Variants in CYP3A43 observed in about 807,000 individuals in gnomAD.
The protein encoded by CYP3A43 is cytochrome P450 3A43.
A neutral mutation model predicts 58.0 loss-of-function variants in CYP3A43; 45 were observed. The observed-to-expected ratio is 0.78, with a 90% CI of 0.61 to 0.99. The LOEUF is 0.99. CYP3A43 is among the 50% of genes least tolerant of loss of function. The pLI is 0.00. For synonymous variants in CYP3A43, 191 were observed against 201.4 expected (o/e 0.95, Z 0.44); for missense variants, 593 against 591.9 (o/e 1.00, Z -0.02).
At chr7:99,852,840 CTT>C (rs1369435400) in intron 7 of CYP3A43, among the ~76,000 whole-genome samples, 1 of 152,122 alleles carries the variant, frequency 6.6e-6, no homozygotes, top group Non-Finnish European at 1.5e-5. Context: ...TCACAAAAGT[CTT>C]TTGGATTTTT....
At chr7:99,864,488 C>T (rs1217744884) in intron 12 of CYP3A43, among the ~76,000 whole-genome samples, 1 of 148,710 alleles carries the variant, frequency 6.7e-6, no homozygotes, top group African/African-American at 2.6e-5. Context: ...CCTTCCCCAT[C>T]GAGTACAGGG....
At chr7:99,832,730 A>G (rs1816899132) in intron 1 of CYP3A43, among the ~76,000 whole-genome samples, 3 of 152,084 alleles carry the variant, frequency 2.0e-5, no homozygotes, top group African/African-American at 7.2e-5. Context: ...ACAAGAAAAA[A>G]AAAGTGTGAC....
rs184376226 is a variant in CYP3A43 at position 99,853,549 on chromosome 7, G to A, written c.671-2042G>A. ...GCCAATTTTGATGATATTTTCTTTT[G>A]TGGTAAAATTTGAGCTTTTTTTTTG... On this transcript the variant is annotated intron_variant, in intron 7 of 12. Coordinates refer to ENST00000354829, the MANE Select transcript of CYP3A43 (RefSeq NM_057095.3). Among the ~76,000 whole-genome samples, 9 of 151,892 alleles carry A rather than the reference G, an allele frequency of 5.9e-5. No individual in the cohort carries two copies. In the East Asian group the frequency reaches 1.5e-3, roughly 26 times the overall value.
chr7:99,857,749 G>A (rs1012055252), intron 9 of CYP3A43, among the ~76,000 whole-genome samples: 2 of 152,086 alleles, frequency 1.3e-5, no homozygotes, highest in South Asian at 2.1e-4. Flanking sequence ...AGGCTGAGGT[G>A]GGAGAATCAC....
At chr7:99,845,559 T>G (rs1817512164) in intron 4 of CYP3A43, among the ~76,000 whole-genome samples, 1 of 152,028 alleles carries the variant, frequency 6.6e-6, no homozygotes, top group African/African-American at 2.4e-5. Context: ...TGGGCTCAAA[T>G]GATTCACCCA....
intron 10 of CYP3A43, 55 bp downstream of exon 10, chr7:99,860,045 G>C: frequency 6.5e-7 from 1 of 1,528,804 alleles, no homozygotes; most frequent in South Asian, 1.3e-5. Flanking sequence ...CAGCAAGAAT[G>C]CCTCCTCACC....
At chr7:99,844,562 A>G (rs1348087587) in intron 4 of CYP3A43, among the ~76,000 whole-genome samples, 1 of 152,226 alleles carries the variant, frequency 6.6e-6, no homozygotes, top group Non-Finnish European at 1.5e-5. Context: ...CAATATGTAC[A>G]GATCTGTTCT....
intron 1 of CYP3A43, among the ~76,000 whole-genome samples, chr7:99,828,943 CT>C (rs1816731502): frequency 6.6e-6 from 1 of 152,322 alleles, no homozygotes; most frequent in Admixed American, 6.5e-5. Flanking sequence ...TGGAGCACTG[CT>C]ACCTGAGAGA....
In CYP3A43 at chr7:99,836,592, C is replaced by A. The variant is rs45503495; in HGVS notation, c.165+46C>A. ...CTCTTTTGCTTCTTATCGATGCAAACCCAAGCTTAGTCCTATCAGTAAAAA... is the reference window on the plus strand; with the variant it reads ...CTCTTTTGCTTCTTATCGATGCAAAACCAAGCTTAGTCCTATCAGTAAAAA... On this transcript the variant is annotated intron_variant, in intron 2 of 12. Coordinates refer to ENST00000354829, the MANE Select transcript of CYP3A43 (RefSeq NM_057095.3). 3 of 1,407,504 alleles carry A rather than the reference C, an allele frequency of 2.1e-6. No individual in the cohort carries two copies. In the South Asian group the frequency reaches 4.2e-5, roughly 19 times the overall value. 87.2% of individuals were successfully genotyped at this position (1,407,504 alleles called of 1,614,324 possible).
At chr7:99,840,753 G>C (rs1182469797) in intron 3 of CYP3A43, among the ~76,000 whole-genome samples, 1 of 152,094 alleles carries the variant, frequency 6.6e-6, no homozygotes, top group Non-Finnish European at 1.5e-5. Context: ...GTCCCCTCAA[G>C]CTTTGACTCA....
At chr7:99,843,799 A>T (rs79402697) in intron 3 of CYP3A43, among the ~76,000 whole-genome samples, 1 of 152,192 alleles carries the variant, frequency 6.6e-6, no homozygotes, top group Non-Finnish European at 1.5e-5. Context: ...ACAAAAGATT[A>T]TGGAGAATGG....
At chr7:99,842,927 CACTT>C (rs1584211185) in intron 3 of CYP3A43, among the ~76,000 whole-genome samples, 1 of 152,210 alleles carries the variant, frequency 6.6e-6, no homozygotes, top group Admixed American at 6.5e-5. Flanking sequence ...TGTTGAATCT[CACTT>C]ACCCTGACAA....
At chr7:99,861,584 T>C (rs1369175558) in intron 10 of CYP3A43, 29 bp from the exon 11 acceptor site, 2 of 1,598,330 alleles carry the variant, frequency 1.3e-6, no homozygotes, top group Non-Finnish European at 1.7e-6. Context: ...CCAATCTCAA[T>C]TTATCCAAAT....
rs959893755 is a variant in CYP3A43, at chr7:99,839,780, T to C, written c.218+608T>C. On this transcript the variant is annotated intron_variant, in intron 3 of 12. Transcript: ENST00000354829. ...TTTATAGATGAGCTTGAGGAGGCAG[T>C]GTCTGATTTACATAGGGCATGAAAG... is the stretch of plus-strand genomic sequence containing the variant. 2.6e-5 allele frequency among the ~76,000 whole-genome samples: 4 copies of C among 152,158 alleles called. 1 individual carries two copies. The highest frequency in any genetic ancestry group is 9.7e-5 in the African/African-American group (4 of 41,420).
At chr7:99,862,705 C>T (rs1224950401) in intron 11 of CYP3A43, among the ~76,000 whole-genome samples, 2 of 152,188 alleles carry the variant, frequency 1.3e-5, no homozygotes, top group African/African-American at 2.4e-5. Flanking sequence ...GGCCTGGGAT[C>T]TAGACTTTTA....
intron 2 of CYP3A43, among the ~76,000 whole-genome samples, chr7:99,838,511 A>G (rs562700117): frequency 9.8e-5 from 15 of 152,384 alleles, no homozygotes; most frequent in Non-Finnish European, 2.2e-4. Context: ...GAGATTGCAG[A>G]GACAACATAT....
At chr7:99,852,036 T>C (rs599151) in intron 7 of CYP3A43, among the ~76,000 whole-genome samples, 29,634 of 152,162 alleles carry the variant, frequency 0.19, 5,837 homozygotes, top group African/African-American at 0.51. Context: ...CCAGTTGTCC[T>C]AGGACCATTT....
At chr7:99,864,670 A>G (rs1219076036) in intron 12 of CYP3A43, among the ~76,000 whole-genome samples, 6 of 148,924 alleles carry the variant, frequency 4.0e-5, no homozygotes, top group Admixed American at 3.3e-4. Flanking sequence ...TAAAAGTCCA[A>G]TAGTGTCTTG....
chr7:99,830,053 T>C (rs1035072342), intron 1 of CYP3A43, among the ~76,000 whole-genome samples: 1 of 152,080 alleles, frequency 6.6e-6, no homozygotes, highest in Admixed American at 6.5e-5. Context: ...AATTGAAAGG[T>C]CTCAGAAAGT....
Sources: gnomAD v4.1 joint callset for allele counts (sites outside exome capture counted in the v4.1 genomes callset) on GRCh38, gnomAD v4.1.1 for gene constraint, MANE v1.5 for transcripts, NCBI Gene and HGNC (gene_info 2026-07-23, HGNC 2026-07-21) for gene names.